CCZ1B: variants seen among roughly 807,000 people sequenced by gnomAD.
CCZ1B encodes CCZ1B vacuolar protein trafficking and biogenesis associated.
In CCZ1B, 25 loss-of-function variants were observed where a neutral mutation model predicts 58.8. That is an observed-to-expected ratio of 0.43 (90% confidence interval 0.31 to 0.59). The LOEUF (loss-of-function observed/expected upper bound fraction) is 0.59. Among genes scored for constraint, CCZ1B ranks in the 20% least tolerant of loss-of-function variants. The probability of loss-of-function intolerance (pLI) is 0.12; values close to 1 mark genes in which losing one functional copy is unlikely to be tolerated. For synonymous variants in CCZ1B, 66 were observed against 173.2 expected, an observed-to-expected ratio of 0.38 and a Z score of 4.86; for missense variants, 180 against 501.5, an observed-to-expected ratio of 0.36 and a Z score of 6.12.
At chr7:6,825,087 A>G (rs1056993696) in intron 1 of CCZ1B, among the ~76,000 whole-genome samples, 1 of 150,492 alleles carries the variant, frequency 6.6e-6, no homozygotes, top group Non-Finnish European at 1.5e-5. Context: ...GCACCAGGTA[A>G]TTTTTATGAA....
intron 10 of CCZ1B, among the ~76,000 whole-genome samples, chr7:6,810,062 A>G (rs577771349): frequency 6.6e-6 from 1 of 150,414 alleles, no homozygotes; most frequent in East Asian, 1.9e-4. Flanking sequence ...CCCAGACTGG[A>G]GCACAGTGGC....
At position 6,819,771 on chromosome 7, in the gene CCZ1B, G is replaced by A. The variant is rs200223833; in HGVS notation, c.693C>T (p.Leu231=). ...KYTAFLYNDQ[L]IWSGLEQDDM... is the part of the protein sequence containing the mutation. ...ATGCCTCGGGGTGTACCTACCAGAT[G>A]AGCTGATCGTTATAGAGAAAAGCAG... The change falls in exon 7 of 15, where the codon CTC becomes CTT. Residue 231 remains leucine, a synonymous_variant. Transcript: ENST00000316731. 77,730 of 1,502,152 alleles carry A rather than the reference G, an allele frequency of 0.052. 157 individuals carry two copies. Among genetic ancestry groups the A allele is most frequent in the East Asian group, 0.24 (10,293 of 43,786 alleles). The allele number at this position is 1,502,152 out of a possible 1,614,324, so 93.1% of individuals were successfully genotyped here.
intron 10 of CCZ1B, among the ~76,000 whole-genome samples, chr7:6,809,567 TAC>T (rs969213396): frequency 1.4e-5 from 2 of 138,990 alleles, no homozygotes; most frequent in African/African-American, 5.9e-5. Flanking sequence ...TTTCACTCGA[TAC>T]ACAAACGGAC....
At chr7:6,821,650 G>A (rs1239464907) in intron 6 of CCZ1B, among the ~76,000 whole-genome samples, 2 of 151,692 alleles carry the variant, frequency 1.3e-5, no homozygotes, top group Non-Finnish European at 1.5e-5. Context: ...CACTTTGGGA[G>A]GCCAAGGAGG....
At chr7:6,815,795 T>C (rs1175703601) in intron 7 of CCZ1B, among the ~76,000 whole-genome samples, 1 of 148,878 alleles carries the variant, frequency 6.7e-6, no homozygotes, top group Non-Finnish European at 1.5e-5. Flanking sequence ...GACTCGCTGG[T>C]TGAATTCCGT....
At chr7:6,821,578 T>C (rs1464903187) in intron 6 of CCZ1B, among the ~76,000 whole-genome samples, 1 of 151,792 alleles carries the variant, frequency 6.6e-6, no homozygotes, top group Non-Finnish European at 1.5e-5. Context: ...AGAAAATAAA[T>C]TGAGAATTGT....
At position 6,825,447 on chromosome 7, in the gene CCZ1B, G is replaced by C. The variant is rs978945678; in HGVS notation, c.120+631C>G. ...TTTTTTTTGTAGAGTTGGGGGTCTT[G>C]CTATGTTGCCCAGGCTGGTCTGGAA... On this transcript the variant is annotated intron_variant, in intron 1 of 14. Coordinates refer to ENST00000316731, the MANE Select transcript of CCZ1B (RefSeq NM_198097.5). Among the ~76,000 whole-genome samples the C allele has an allele frequency of 5.9e-5, 8 of 135,528 alleles. No individual in the cohort carries two copies. In the East Asian group the frequency reaches 6.0e-4, roughly 10 times the overall value. The allele number at this position is 135,528 out of a possible 152,430, so 88.9% of individuals were successfully genotyped here. A position where few individuals can be genotyped will look rare whatever the true frequency, so the allele number is the denominator to read the frequency against.
rs569284425 is a variant in CCZ1B at position 6,822,005 on chromosome 7, A to G, written c.522+276T>C. Among the ~76,000 whole-genome samples the G allele has an allele frequency of 2.1e-4, 32 of 149,662 alleles. 2 individuals are homozygous for G. Among genetic ancestry groups the G allele is most frequent in the African/African-American group, 7.8e-4 (31 of 39,758 alleles). On this transcript the variant is annotated intron_variant, in intron 6 of 14. Coordinates refer to ENST00000316731, the MANE Select transcript of CCZ1B (RefSeq NM_198097.5). The stretch of plus-strand genomic sequence containing the variant: ...TAAGCCCAGAAGGACAGATGCAGGT[A>G]AAACACAGGGAGGCCAAACGATGTC...
At position 6,804,974 on chromosome 7, in the gene CCZ1B, A is replaced by C. The variant is rs1191575244; in HGVS notation, c.1070T>G (p.Ile357Ser). Residue 357 changes from isoleucine to serine, a missense_variant, in exon 12 of 15, where the codon ATC becomes AGC. Coordinates refer to ENST00000316731, the MANE Select transcript of CCZ1B (RefSeq NM_198097.5). ...CTTGTTGATGTTAAACTGTTCACAGATGTCAGAGGCCAGCACTGTGAGCTG... is the reference window on the plus strand; with the variant it reads ...CTTGTTGATGTTAAACTGTTCACAGCTGTCAGAGGCCAGCACTGTGAGCTG... ...GPQLTVLASD[I>S]CEQFNINKRM... is the part of the protein sequence containing the mutation. 2 of 1,409,080 alleles carry C rather than the reference A, an allele frequency of 1.4e-6. 1 individual carries two copies. The highest frequency in any genetic ancestry group is 1.9e-6 in the Non-Finnish European group (2 of 1,063,106). The allele number at this position is 1,409,080 out of a possible 1,614,324, so 87.3% of individuals were successfully genotyped here. A position where few individuals can be genotyped will look rare whatever the true frequency, so the allele number is the denominator to read the frequency against.
chr7:6,825,316 G>A (rs963743680), intron 1 of CCZ1B, among the ~76,000 whole-genome samples: 1 of 146,484 alleles, frequency 6.8e-6, no homozygotes, highest in Non-Finnish European at 1.5e-5. Context: ...CAGCTCACCT[G>A]CAGCCTCAAT....
Position 6,802,249 on chromosome 7 carries a change from C to G in CCZ1B, c.1107-726G>C, listed in dbSNP as rs190483164. On this transcript the variant is annotated intron_variant, in intron 12 of 14. Transcript: ENST00000316731. ...TGATGAACATTTTAAATGGGATATA[C>G]CTTTTTATTTCTTAAACTGACTAGG... is the stretch of plus-strand genomic sequence containing the variant. 6.5e-3 allele frequency among the ~76,000 whole-genome samples: 675 copies of G among 104,094 alleles called. 209 individuals are homozygous for G. The highest frequency in any genetic ancestry group is 0.011 in the Non-Finnish European group (538 of 51,122). 68.3% of individuals were successfully genotyped at this position (104,094 alleles called of 152,430 possible).
Position 6,818,695 on chromosome 7 carries a change from C to CAAGAAAGAAAGACAAGAAAGAAAGAAAGA in CCZ1B, c.698+1070_698+1071insTCTTTCTTTCTTTCTTGTCTTTCTTTCTT. Among the ~76,000 whole-genome samples, 62 of 59,464 alleles carry CAAGAAAGAAAGACAAGAAAGAAAGAAAGA rather than the reference C, an allele frequency of 1.0e-3. 5 individuals carry two copies. Among genetic ancestry groups the CAAGAAAGAAAGACAAGAAAGAAAGAAAGA allele is most frequent in the African/African-American group, 5.1e-3 (60 of 11,754 alleles). 39.0% of individuals were successfully genotyped at this position (59,464 alleles called of 152,430 possible). A position where few individuals can be genotyped will look rare whatever the true frequency, so the allele number is the denominator to read the frequency against. On this transcript the variant is annotated intron_variant, in intron 7 of 14. Transcript: ENST00000316731. The stretch of plus-strand genomic sequence containing the variant: ...AAAGAAAGAAAGAAAGAAAGAAAGA[C>CAAGAAAGAAAGACAAGAAAGAAAGAAAGA]AAGAAAGAAAGAAAGACAAGAAAGA...
chr7:6,819,911 C>T lies in CCZ1B; in HGVS notation c.553G>A (p.Asp185Asn). Residue 185 changes from aspartate to asparagine, a missense_variant, in exon 7 of 15, where the codon GAC (aspartate) becomes AAC (asparagine). Transcript: ENST00000316731. ...ATTCCACCAAAAATGTCAAGTAGGT[C>T]ACATGACTGCAAATGTAGCGTTTGC... ...YLQTLHLQSC[D>N]LLDIFGGISF... 6.2e-7 allele frequency: 1 copy of T among 1,605,216 alleles called. No homozygotes were observed. The highest frequency in any genetic ancestry group is 8.5e-7 in the Non-Finnish European group (1 of 1,176,812).
At chr7:6,822,130 C>G in intron 6 of CCZ1B, 151 bp downstream of exon 6, 2 of 1,158,576 alleles carry the variant, frequency 1.7e-6, no homozygotes, top group Non-Finnish European at 2.4e-6. Flanking sequence ...CGTTTCCTCG[C>G]TGCTCCAGTT....
At chr7:6,820,659 C>T (rs914953368) in intron 6 of CCZ1B, among the ~76,000 whole-genome samples, 4 of 148,614 alleles carry the variant, frequency 2.7e-5, no homozygotes, top group Non-Finnish European at 5.9e-5. Context: ...CAGCGGCTCG[C>T]GCCTGTAATC....
intron 8 of CCZ1B, among the ~76,000 whole-genome samples, chr7:6,813,497 G>C (rs2115117908): frequency 1.3e-5 from 2 of 149,320 alleles, no homozygotes; most frequent in Middle Eastern, 6.9e-3. Context: ...AGGACCGCTT[G>C]AGCCCAAGAG....
intron 7 of CCZ1B, among the ~76,000 whole-genome samples, chr7:6,816,925 AT>A (rs577923589): frequency 1.3e-4 from 14 of 107,662 alleles, no homozygotes; most frequent in South Asian, 2.9e-4. Context: ...TGCCCAGCTA[AT>A]TTTTTTTTTG....
chr7:6,816,514 G>C (rs1783002237), intron 7 of CCZ1B, among the ~76,000 whole-genome samples: 1 of 150,322 alleles, frequency 6.7e-6, no homozygotes, highest in African/African-American at 2.5e-5. Flanking sequence ...AATATACTAA[G>C]TAAATACATA....
chr7:6,816,537 ACT>A (rs1218025347), intron 7 of CCZ1B, among the ~76,000 whole-genome samples: 1 of 150,620 alleles, frequency 6.6e-6, no homozygotes, highest in Non-Finnish European at 1.5e-5. Flanking sequence ...GGTAATATAT[ACT>A]CTGCTTGTGA....
Sources: gnomAD v4.1 joint callset for allele counts (sites outside exome capture counted in the v4.1 genomes callset) on GRCh38, gnomAD v4.1.1 for gene constraint, MANE v1.5 for transcripts, NCBI Gene and HGNC (gene_info 2026-07-23, HGNC 2026-07-21) for gene names.